Variants in GLIS3 observed in about 807,000 individuals in gnomAD.
GLIS3 encodes the protein GLIS family zinc finger 3, also known as zinc finger protein GLIS3.
A neutral mutation model predicts 78.6 loss-of-function variants in GLIS3; 53 were observed. The observed-to-expected ratio is 0.67, with a 90% confidence interval of 0.54 to 0.85. The LOEUF (loss-of-function observed/expected upper bound fraction) is 0.85. GLIS3 is among the 40% of genes least tolerant of loss of function. The pLI is 0.00. For synonymous variants in GLIS3, 684 were observed against 509.9 expected, an observed-to-expected ratio of 1.34 and a Z score of -4.60; for missense variants, 1,703 against 1,231.1, an observed-to-expected ratio of 1.38 and a Z score of -5.74.
intron 2 of GLIS3, among the ~76,000 whole-genome samples, chr9:4,273,807 A>C (rs1288784195): frequency 6.6e-6 from 1 of 151,952 alleles, no homozygotes; most frequent in African/African-American, 2.4e-5. Flanking sequence ...CAAGATCCCC[A>C]ATCTCTTGTC....
chr9:4,106,846 G>A (rs1830792101), intron 4 of GLIS3, among the ~76,000 whole-genome samples: 3 of 152,200 alleles, frequency 2.0e-5, no homozygotes, highest in Admixed American at 6.5e-5. Flanking sequence ...TGTGGGACAT[G>A]AAGACATCAC....
chr9:4,180,901 G>C (rs1033066243), intron 2 of GLIS3, among the ~76,000 whole-genome samples: 2 of 152,150 alleles, frequency 1.3e-5, no homozygotes, highest in African/African-American at 4.8e-5. Flanking sequence ...TCCCACCCAA[G>C]TACAGGTCCC....
At chr9:3,893,860 T>C (rs1427191286) in intron 7 of GLIS3, among the ~76,000 whole-genome samples, 1 of 152,188 alleles carries the variant, frequency 6.6e-6, no homozygotes, top group Non-Finnish European at 1.5e-5. Flanking sequence ...TCCAGGTGAT[T>C]TGATGCATAC....
At chr9:3,948,996 G>A (rs1010366196) in intron 4 of GLIS3, among the ~76,000 whole-genome samples, 3 of 152,176 alleles carry the variant, frequency 2.0e-5, no homozygotes, top group African/African-American at 7.2e-5. Context: ...GAGAGGTTAA[G>A]TGACTTGCCA....
intron 6 of GLIS3, among the ~76,000 whole-genome samples, chr9:3,916,859 A>T (rs1824546769): frequency 6.6e-6 from 1 of 152,210 alleles, no homozygotes; most frequent in Non-Finnish European, 1.5e-5. Context: ...GCAGGTACAA[A>T]TTTTTAAAAA....
rs1207734805 is a variant in GLIS3, at chr9:4,132,065, AC to A, written c.389-6125del. ...ATGTTTTTTTTAAAAAAAAAAAAAA[AC>A]AAAAAACCACATGTCATCACAGAAG... On this transcript the variant is annotated intron_variant, in intron 2 of 10. Coordinates refer to ENST00000381971, the MANE Select transcript of GLIS3 (RefSeq NM_001042413.2). 2.6e-5 allele frequency among the ~76,000 whole-genome samples: 4 copies of A among 151,794 alleles called. No individual in the cohort carries two copies. In the East Asian group the frequency reaches 5.8e-4, roughly 22 times the overall value.
chr9:4,202,960 A>G (rs750596593), intron 2 of GLIS3, among the ~76,000 whole-genome samples: 2 of 152,258 alleles, frequency 1.3e-5, no homozygotes, highest in Admixed American at 1.3e-4. Context: ...AACAAAAACA[A>G]AAGTTGACAA....
intron 2 of GLIS3, among the ~76,000 whole-genome samples, chr9:4,334,362 T>C (rs752578534): frequency 2.0e-5 from 3 of 152,136 alleles, no homozygotes; most frequent in Non-Finnish European, 2.9e-5. Context: ...CTACAGAGTA[T>C]GTGGGTAGAC....
chr9:3,973,602 C>G (rs1207514938), intron 4 of GLIS3, among the ~76,000 whole-genome samples: 3 of 152,192 alleles, frequency 2.0e-5, no homozygotes, highest in Non-Finnish European at 2.9e-5. Flanking sequence ...ACTAATCGTG[C>G]TAATCCTAGC....
chr9:4,183,397 A>G lies in GLIS3; in HGVS notation c.389-57456T>C, dbSNP rs577515344. The stretch of plus-strand genomic sequence containing the variant: ...ATGCCATTCATTACTCATATAATAG[A>G]TATTCTGAGCAAAGACTCCATGCCT... On this transcript the variant is annotated intron_variant, in intron 2 of 10. Coordinates refer to ENST00000381971, the MANE Select transcript of GLIS3 (RefSeq NM_001042413.2). 1.1e-4 allele frequency among the ~76,000 whole-genome samples: 17 copies of G among 152,298 alleles called. 1 individual carries two copies. The highest frequency in any genetic ancestry group is 4.1e-4 in the African/African-American group (17 of 41,572).
intron 9 of GLIS3, among the ~76,000 whole-genome samples, chr9:3,849,290 G>A (rs547590095): frequency 7.2e-5 from 11 of 152,352 alleles, no homozygotes; most frequent in South Asian, 2.1e-4. Flanking sequence ...CCATCCTAGA[G>A]TGTTTGGCAG....
intron 6 of GLIS3, among the ~76,000 whole-genome samples, chr9:3,904,802 T>C (rs1823548337): frequency 6.6e-6 from 1 of 152,124 alleles, no homozygotes; most frequent in Non-Finnish European, 1.5e-5. Flanking sequence ...TAAAATAAAT[T>C]ACACAGCTAC....
rs138100080 is a variant in GLIS3, at chr9:3,937,133, C to T, written c.1767G>A (p.Arg589=). ...AATACGGCTTCTCGCCTGTGTGGCTCCGCAAGTGGATCTTGAGATTTTCAA... is the reference window on the plus strand; with the variant it reads ...AATACGGCTTCTCGCCTGTGTGGCTTCGCAAGTGGATCTTGAGATTTTCAA... ...SRLENLKIHL[R]SHTGEKPYLC... is the part of the protein sequence containing the mutation. Residue 589 remains arginine, a synonymous_variant, in exon 5 of 11, where the codon CGG becomes CGA. Transcript: ENST00000381971. 6.2e-7 allele frequency: 1 copy of T among 1,614,124 alleles called. No homozygotes were observed. Among genetic ancestry groups the T allele is most frequent in the Non-Finnish European group, 8.5e-7 (1 of 1,180,026 alleles).
the GLIS3 span, among the ~76,000 whole-genome samples, chr9:4,359,490 C>T: frequency 3.9e-5 from 6 of 152,114 alleles, no homozygotes; most frequent in African/African-American, 1.4e-4. Context: ...GAGCTACTGC[C>T]CACCTCCTAC....
chr9:4,265,010 CA>C (rs35733035), intron 2 of GLIS3, among the ~76,000 whole-genome samples: 112 of 142,760 alleles, frequency 7.8e-4, no homozygotes, highest in Admixed American at 9.1e-4. Context: ...ACTAAAAATA[CA>C]AAAAAAAAAA....
chr9:4,369,041 T>C, the GLIS3 span, among the ~76,000 whole-genome samples: 1 of 152,210 alleles, frequency 6.6e-6, no homozygotes. Context: ...TTTCTAAATG[T>C]AGAGAAATAG....
At chr9:4,132,017 T>C (rs543617882) in intron 2 of GLIS3, among the ~76,000 whole-genome samples, 88 of 151,890 alleles carry the variant, frequency 5.8e-4, no homozygotes, top group Non-Finnish European at 1.1e-3. Context: ...TCCAATATTC[T>C]TTCTGCTTTA....
chr9:4,209,395 G>A (rs1820180944), intron 2 of GLIS3, among the ~76,000 whole-genome samples: 1 of 152,134 alleles, frequency 6.6e-6, no homozygotes, highest in African/African-American at 2.4e-5. Context: ...GTGGACCAGA[G>A]AAACTAAACG....
At chr9:4,130,024 T>G (rs898149409) in intron 2 of GLIS3, among the ~76,000 whole-genome samples, 11 of 152,296 alleles carry the variant, frequency 7.2e-5, no homozygotes, top group African/African-American at 2.6e-4. Context: ...GCAGTGAGGT[T>G]GTAGGCATTG....
Sources: allele counts gnomAD v4.1 joint callset (sites outside exome capture counted in the v4.1 genomes callset), GRCh38; gene constraint gnomAD v4.1.1; transcripts MANE v1.5; gene names NCBI Gene and HGNC (gene_info 2026-07-23, HGNC 2026-07-21).